EDEM1: variants seen among roughly 807,000 people sequenced by gnomAD.
The protein encoded by EDEM1 is ER degradation enhancing alpha-mannosidase like protein 1.
EDEM1 carries 67 observed loss-of-function variants against 74.4 expected under a neutral mutation model. The observed-to-expected ratio is 0.90, with a 90% CI of 0.74 to 1.10. The LOEUF (loss-of-function observed/expected upper bound fraction) is 1.10. Ranked by LOEUF, EDEM1 falls within the 50% of genes least tolerant of loss-of-function variation. The pLI, the probability that EDEM1 is intolerant of heterozygous loss-of-function variation, is 0.00. For synonymous variants in EDEM1, 382 were observed against 335.9 expected (o/e 1.14, Z -1.50); for missense variants, 926 against 851.6 (o/e 1.09, Z -1.09).
intron 1 of EDEM1, among the ~76,000 whole-genome samples, chr3:5,193,568 A>G (rs2054926467): frequency 6.6e-6 from 1 of 151,870 alleles, no homozygotes; most frequent in South Asian, 2.1e-4. Flanking sequence ...TAGCCCCCAT[A>G]TATATCTCGT....
chr3:5,197,138 C>T (rs1402928252), intron 2 of EDEM1, among the ~76,000 whole-genome samples: 2 of 148,562 alleles, frequency 1.3e-5, no homozygotes, highest in African/African-American at 2.5e-5. Context: ...GTTCACCATA[C>T]TCTCCCCCAC....
intron 3 of EDEM1, among the ~76,000 whole-genome samples, chr3:5,199,940 CTTTTT>C (rs746855500): frequency 7.4e-6 from 1 of 135,380 alleles, no homozygotes. Flanking sequence ...AGATTAAACT[CTTTTT>C]TTTTTTTTTT....
Position 5,218,651 on chromosome 3 carries a change from C to T in EDEM1, c.*2733C>T, listed in dbSNP as rs1408730626. 2.0e-5 allele frequency: 3 copies of T among 152,250 alleles called. No homozygotes were observed. The highest frequency in any genetic ancestry group is 3.4e-3 in the Middle Eastern group (1 of 294). 9.4% of individuals were successfully genotyped at this position (152,250 alleles called of 1,614,324 possible). A position where few individuals can be genotyped will look rare whatever the true frequency, so the allele number is the denominator to read the frequency against. On this transcript the variant is annotated 3_prime_UTR_variant, in exon 12 of 12. Coordinates refer to ENST00000256497, the MANE Select transcript of EDEM1 (RefSeq NM_014674.3). ...CATTTTGCAGAACTGTTGTAGAAAG[C>T]TGCCTTATAGTTGGCTTGACAAAGC... is the stretch of plus-strand genomic sequence containing the variant.
Position 5,199,674 on chromosome 3 carries a change from A to C in EDEM1, c.665A>C (p.Gln222Pro). The C allele has an allele frequency of 6.2e-7, 1 of 1,613,696 alleles. No homozygotes were observed. Among genetic ancestry groups the C allele is most frequent in the South Asian group, 1.1e-5 (1 of 90,996 alleles). Residue 222 changes from glutamine to proline, a missense_variant, in exon 3 of 12, where the codon CAA becomes CCA. By Grantham distance (76) the Gln-to-Pro change is moderately conservative (BLOSUM62 -1). Coordinates refer to ENST00000256497, the MANE Select transcript of EDEM1 (RefSeq NM_014674.3). ...TCATTTGACAAAGATTCCACCGTCC[A>C]AGTCTTTGAGGCCACGATAAGGTAA... ...TVSFDKDSTV[Q>P]VFEATIRVLG...
At position 5,219,599 on chromosome 3, in the gene EDEM1, G is replaced by T. The variant is rs1014552002; in HGVS notation, c.*3681G>T. The T allele has an allele frequency of 1.2e-4, 18 of 152,234 alleles. No individual in the cohort carries two copies. Among genetic ancestry groups the T allele is most frequent in the African/African-American group, 3.4e-4 (14 of 41,416 alleles). 9.4% of individuals were successfully genotyped at this position (152,234 alleles called of 1,614,324 possible). A position where few individuals can be genotyped will look rare whatever the true frequency, so the allele number is the denominator to read the frequency against. On this transcript the variant is annotated 3_prime_UTR_variant, in exon 12 of 12. Coordinates refer to ENST00000256497, the MANE Select transcript of EDEM1 (RefSeq NM_014674.3). The stretch of plus-strand genomic sequence containing the variant: ...ATACCCTCTTCCTTCTTTCTGCAAG[G>T]CAGAGGAATAATATTTTTAAAGGTT...
chr3:5,214,078 C>A (rs778840004), intron 11 of EDEM1, among the ~76,000 whole-genome samples: 4 of 152,204 alleles, frequency 2.6e-5, no homozygotes, highest in Non-Finnish European at 5.9e-5. Context: ...CGAAGTGCAG[C>A]AAACACCCAC....
chr3:5,200,032 T>G (rs1357679965), intron 3 of EDEM1, among the ~76,000 whole-genome samples: 2 of 151,378 alleles, frequency 1.3e-5, no homozygotes, highest in East Asian at 3.9e-4. Flanking sequence ...ACCTCCCAGG[T>G]TCAAGGCATT....
intron 8 of EDEM1, among the ~76,000 whole-genome samples, chr3:5,209,706 T>G (rs2055144716): frequency 6.6e-6 from 1 of 152,162 alleles, no homozygotes; most frequent in Non-Finnish European, 1.5e-5. Context: ...AAGGAAAGGG[T>G]GGCGGCCTCC....
rs1228563461 is a variant in EDEM1, at chr3:5,187,779, A to G, written c.-27A>G. Reference sequence around the variant, plus strand: ...CGGCGGGGAGGCCCCCGCGCTTTAAAATAATGCCCGCGGCGCCCGCGCGAC... The same window carrying G: ...CGGCGGGGAGGCCCCCGCGCTTTAAGATAATGCCCGCGGCGCCCGCGCGAC... On this transcript the variant is annotated 5_prime_UTR_variant, in exon 1 of 12. Transcript: ENST00000256497. The G allele has an allele frequency of 4.6e-6, 7 of 1,533,984 alleles. No homozygotes were observed. In the East Asian group the frequency reaches 1.3e-4, roughly 29 times the overall value.
chr3:5,213,200 C>G (rs146337621), intron 10 of EDEM1, 119 bp from the exon 11 acceptor site: 886 of 968,986 alleles, frequency 9.1e-4, no homozygotes, highest in Non-Finnish European at 1.1e-3. Flanking sequence ...ACCCAGTTGT[C>G]ACTGAGAAGC....
chr3:5,187,995 G>A lies in EDEM1; in HGVS notation c.190G>A (p.Gly64Arg), dbSNP rs762255204. The A allele has an allele frequency of 9.2e-6, 14 of 1,514,598 alleles. No homozygotes were observed. The highest frequency in any genetic ancestry group is 1.4e-5 in the African/African-American group (1 of 69,448). The allele number at this position is 1,514,598 out of a possible 1,614,324, so 93.8% of individuals were successfully genotyped here. ...CACCTCGGGGCCCGTGGGCCGGCCTGGGGGGGTATCCGGGCCGTCGTGGCT... is the reference window on the plus strand; with the variant it reads ...CACCTCGGGGCCCGTGGGCCGGCCTAGGGGGGTATCCGGGCCGTCGTGGCT... The part of the protein sequence containing the change: ...SPTSGPVGRP[G>R]GVSGPSWLQP... The change falls in exon 1 of 12, where the codon GGG becomes AGG. Residue 64 changes from glycine to arginine, a missense_variant. Physicochemically the swap from Gly to Arg is moderately radical, Grantham distance 125 (BLOSUM62 -2). Transcript: ENST00000256497.
intron 3 of EDEM1, 44 bp from the exon 4 acceptor site, chr3:5,201,709 C>A (rs61122170): frequency 1.2e-6 from 2 of 1,608,642 alleles, no homozygotes; most frequent in Admixed American, 3.3e-5. Context: ...TGTGCATTTA[C>A]AAGCAACACG....
In EDEM1 at chr3:5,210,344, G is replaced by A. The variant is rs574358486; in HGVS notation, c.1583+96G>A. 352 of 1,167,690 alleles carry A rather than the reference G, an allele frequency of 3.0e-4. 4 individuals are homozygous for A. In the South Asian group the frequency reaches 3.2e-3, roughly 11 times the overall value. The allele number at this position is 1,167,690 out of a possible 1,614,324, so 72.3% of individuals were successfully genotyped here. On this transcript the variant is annotated intron_variant, in intron 9 of 11. Transcript: ENST00000256497. ...ATCCTAGTTTGCATTTTAATTTATA[G>A]AACCAGGTCATTAATGTTACATTTA...
chr3:5,191,824 T>C lies in EDEM1; in HGVS notation c.510-3385T>C, dbSNP rs182183601. ...TATGCAAAGTCAGTTCTCACATCCT[T>C]AATTTGGGTTGGAGGATCCAAATTT... On this transcript the variant is annotated intron_variant, in intron 1 of 11. Coordinates refer to ENST00000256497, the MANE Select transcript of EDEM1 (RefSeq NM_014674.3). Among the ~76,000 whole-genome samples, 209 of 152,324 alleles carry C rather than the reference T, an allele frequency of 1.4e-3. 1 individual carries two copies. The highest frequency in any genetic ancestry group is 4.9e-3 in the African/African-American group (204 of 41,576).
chr3:5,200,628 A>G (rs1363690195), intron 3 of EDEM1, among the ~76,000 whole-genome samples: 1 of 152,208 alleles, frequency 6.6e-6, no homozygotes, highest in African/African-American at 2.4e-5. Context: ...CTTATTTAAA[A>G]TTAAATTGGT....
chr3:5,210,136 A>G (rs112319379), intron 8 of EDEM1, 39 bp from the exon 9 acceptor site: 1 of 1,576,100 alleles, frequency 6.3e-7, no homozygotes. Context: ...CATGTCTTCC[A>G]AGCCCATGCT....
At chr3:5,194,911 A>G (rs966243329) in intron 1 of EDEM1, among the ~76,000 whole-genome samples, 1 of 152,206 alleles carries the variant, frequency 6.6e-6, no homozygotes, top group Non-Finnish European at 1.5e-5. Flanking sequence ...GAGATTGTCT[A>G]TGGTGATAAA....
At chr3:5,207,320 G>T in intron 7 of EDEM1, 47 bp downstream of exon 7, 1 of 1,605,630 alleles carries the variant, frequency 6.2e-7, no homozygotes. Flanking sequence ...ACCAGAAAGG[G>T]CTTCTCCCTC....
At chr3:5,209,498 A>G (rs1453987307) in intron 8 of EDEM1, among the ~76,000 whole-genome samples, 1 of 152,164 alleles carries the variant, frequency 6.6e-6, no homozygotes, top group Non-Finnish European at 1.5e-5. Context: ...CACCCTGTGC[A>G]CTTTTAATCT....
Sources: gnomAD v4.1 joint callset for allele counts (sites outside exome capture counted in the v4.1 genomes callset) on GRCh38, gnomAD v4.1.1 for gene constraint, MANE v1.5 for transcripts, NCBI Gene and HGNC (gene_info 2026-07-23, HGNC 2026-07-21) for gene names.